The following LDAH variants were observed in gnomAD, a reference collection of about 807,000 sequenced individuals.
The protein encoded by LDAH is lipid droplet-associated hydrolase.
In LDAH, 26 loss-of-function variants were observed where a neutral mutation model predicts 29.6. The observed-to-expected ratio is 0.88, with a 90% CI of 0.64 to 1.22. The LOEUF (loss-of-function observed/expected upper bound fraction) is 1.22. Among genes scored for constraint, LDAH ranks in the 50% most tolerant of loss-of-function variants. LDAH has a pLI of 0.00. For synonymous variants in LDAH, 117 were observed against 133.0 expected (o/e 0.88, Z 0.83); for missense variants, 344 against 387.3 (o/e 0.89, Z 0.94).
chr2:20,781,089 C>A (rs931654808), intron 3 of LDAH, among the ~76,000 whole-genome samples: 1 of 152,042 alleles, frequency 6.6e-6, no homozygotes, highest in African/African-American at 2.4e-5. Flanking sequence ...TAATACAAAA[C>A]CAGCATGATT....
chr2:20,744,145 T>G (rs1160789237), intron 4 of LDAH, among the ~76,000 whole-genome samples: 1 of 152,096 alleles, frequency 6.6e-6, no homozygotes. Context: ...ATATTAATCA[T>G]AGTGGATTTA....
At chr2:20,792,345 A>G (rs1671024838) in intron 2 of LDAH, among the ~76,000 whole-genome samples, 1 of 152,130 alleles carries the variant, frequency 6.6e-6, no homozygotes, top group Admixed American at 6.6e-5. Context: ...TTTAATTATC[A>G]TATGAGGTAG....
At chr2:20,749,986 A>C (rs1287157089) in intron 4 of LDAH, among the ~76,000 whole-genome samples, 2 of 151,838 alleles carry the variant, frequency 1.3e-5, no homozygotes, top group Non-Finnish European at 2.9e-5. Context: ...GCAATAACCG[A>C]AATTTAGTTC....
intron 4 of LDAH, among the ~76,000 whole-genome samples, chr2:20,748,178 T>G (rs566442598): frequency 6.6e-6 from 1 of 152,230 alleles, no homozygotes; most frequent in Non-Finnish European, 1.5e-5. Context: ...CATTTTAGTA[T>G]GTTTCAGTTA....
chr2:20,785,803 G>C (rs552197967), intron 3 of LDAH, among the ~76,000 whole-genome samples: 2 of 152,106 alleles, frequency 1.3e-5, no homozygotes, highest in South Asian at 4.2e-4. Flanking sequence ...CAGCCTGCTG[G>C]TGAGTCCATC....
chr2:20,734,070 G>A (rs4971545), intron 5 of LDAH, among the ~76,000 whole-genome samples: 1 of 152,032 alleles, frequency 6.6e-6, no homozygotes, highest in African/African-American at 2.4e-5. Flanking sequence ...ATGTCTATTA[G>A]GTAATTTTCT....
chr2:20,742,614 C>T (rs1402238863), intron 4 of LDAH, among the ~76,000 whole-genome samples: 4 of 152,014 alleles, frequency 2.6e-5, no homozygotes, highest in African/African-American at 9.7e-5. Context: ...AATATAGCTA[C>T]TCCTGTTTTC....
chr2:20,685,510 A>G lies in LDAH; in HGVS notation c.*1393T>C, dbSNP rs1202934751. On this transcript the variant is annotated 3_prime_UTR_variant, in exon 7 of 7. Coordinates refer to ENST00000237822, the MANE Select transcript of LDAH (RefSeq NM_021925.4). ...GAGAAGTCACTTGCTGTGATGTAGAAGCTATGCCAAAGCACAGTAACTCAT... is the reference window on the plus strand; with the variant it reads ...GAGAAGTCACTTGCTGTGATGTAGAGGCTATGCCAAAGCACAGTAACTCAT... The G allele has an allele frequency of 1.3e-6, 2 of 1,546,364 alleles. No individual in the cohort carries two copies. Among genetic ancestry groups the G allele is most frequent in the Non-Finnish European group, 1.7e-6 (2 of 1,145,120 alleles).
intron 3 of LDAH, 82 bp from the exon 4 acceptor site, chr2:20,775,061 TA>T: frequency 1.6e-6 from 2 of 1,238,420 alleles, no homozygotes; most frequent in Non-Finnish European, 2.3e-6. Context: ...ACAATCATGA[TA>T]AAAAGCAGTT....
At chr2:20,818,642 A>G (rs1457594093) in intron 1 of LDAH, among the ~76,000 whole-genome samples, 1 of 152,130 alleles carries the variant, frequency 6.6e-6, no homozygotes. Flanking sequence ...AAAGCAGGCA[A>G]TTAATAGAAC....
intron 3 of LDAH, among the ~76,000 whole-genome samples, chr2:20,777,780 A>G (rs1669924963): frequency 1.3e-5 from 2 of 152,214 alleles, no homozygotes; most frequent in South Asian, 4.1e-4. Flanking sequence ...AAATGTTAAA[A>G]GACTATATAC....
At chr2:20,789,098 T>C in intron 3 of LDAH, 1 of 1,546,384 alleles carries the variant, frequency 6.5e-7, no homozygotes, top group Non-Finnish European at 8.7e-7. Context: ...GTTGTACCTC[T>C]GCACCCACCT....
At chr2:20,703,196 C>A (rs892005424) in intron 5 of LDAH, among the ~76,000 whole-genome samples, 1 of 152,232 alleles carries the variant, frequency 6.6e-6, no homozygotes. Flanking sequence ...AACACACATA[C>A]ACATATATAG....
At chr2:20,801,940 GTGTGTGTGTGTGTGTGTA>G (rs1175782242) in intron 1 of LDAH, among the ~76,000 whole-genome samples, 43 of 148,070 alleles carry the variant, frequency 2.9e-4, no homozygotes, top group African/African-American at 1.0e-3. Context: ...ATGTGTGTGT[GTGTGTGTGTGTGTGTGTA>G]TGTGTGTGTG....
At chr2:20,795,983 AC>A (rs1227347227) in intron 2 of LDAH, among the ~76,000 whole-genome samples, 143 of 150,472 alleles carry the variant, frequency 9.5e-4, no homozygotes, top group African/African-American at 3.4e-3. Flanking sequence ...ACACACACAC[AC>A]AAAATACAAT....
chr2:20,763,965 A>AT (rs11337098), intron 4 of LDAH, among the ~76,000 whole-genome samples: 103 of 149,078 alleles, frequency 6.9e-4, no homozygotes, highest in South Asian at 1.3e-3. Flanking sequence ...CCCAAAGGTG[A>AT]TTTTTTTTTT....
intron 4 of LDAH, among the ~76,000 whole-genome samples, chr2:20,746,283 C>T (rs531899508): frequency 1.3e-5 from 2 of 152,262 alleles, no homozygotes; most frequent in Admixed American, 1.3e-4. Context: ...CTTTTATAAA[C>T]GATCCTTTAC....
At chr2:20,722,714 A>C (rs1382660326) in intron 5 of LDAH, among the ~76,000 whole-genome samples, 1 of 152,232 alleles carries the variant, frequency 6.6e-6, no homozygotes, top group Admixed American at 6.5e-5. Flanking sequence ...AAATATGTAC[A>C]ACTATTATGT....
Position 20,696,956 on chromosome 2 carries a change from A to G in LDAH, c.786+4614T>C, listed in dbSNP as rs75385479. ...CTTAAGCTGGGTTCCCTAATGATCA[A>G]TCATTAGAAGTCTTCTCTCCTTATT... On this transcript the variant is annotated intron_variant, in intron 6 of 6. Transcript: ENST00000237822. Among the ~76,000 whole-genome samples the G allele has an allele frequency of 8.9e-4, 136 of 152,170 alleles. 2 individuals are homozygous for G. In the East Asian group the frequency reaches 0.022, roughly 25 times the overall value.
Sources: allele counts gnomAD v4.1 joint callset (sites outside exome capture counted in the v4.1 genomes callset), GRCh38; gene constraint gnomAD v4.1.1; transcripts MANE v1.5; gene names NCBI Gene and HGNC (gene_info 2026-07-23, HGNC 2026-07-21).